The following PCDHGA11 variants were observed in gnomAD, a reference collection of about 807,000 sequenced individuals.
PCDHGA11 encodes protocadherin gamma-A11.
A neutral mutation model predicts 60.4 loss-of-function variants in PCDHGA11; 39 were observed. The ratio of observed to expected loss-of-function variants is 0.65; its 90% CI spans 0.50 to 0.84. The LOEUF (loss-of-function observed/expected upper bound fraction) is 0.84. Among genes scored for constraint, PCDHGA11 ranks in the 40% least tolerant of loss-of-function variants. PCDHGA11 has a pLI of 0.00. For missense variants in PCDHGA11, 1,165 were observed against 1,197.7 expected (o/e 0.97, Z 0.40); for synonymous variants, 533 against 510.3 (o/e 1.04, Z -0.60).
At chr5:141,492,447 T>G (rs920078908) in intron 1 of PCDHGA11, among the ~76,000 whole-genome samples, 13 of 152,300 alleles carry the variant, frequency 8.5e-5, no homozygotes, top group Middle Eastern at 3.4e-3. Context: ...CGTAGCTGAT[T>G]GTGCGCGCCT....
intron 1 of PCDHGA11, 89 bp downstream of exon 1, chr5:141,423,749 TTGGGGGGGGGG>T: frequency 3.7e-6 from 1 of 272,202 alleles, no homozygotes; most frequent in Non-Finnish European, 4.7e-6. Context: ...TGAAAACTGT[TTGGGGGGGGGG>T]TGGGGCGGCA....
intron 1 of PCDHGA11, 24 bp downstream of exon 1, chr5:141,423,684 T>TA (rs1412198122): frequency 1.3e-6 from 2 of 1,524,644 alleles, no homozygotes; most frequent in Non-Finnish European, 1.8e-6. Context: ...CTCTGCCTCC[T>TA]AATTGTTGGT....
At chr5:141,440,593 T>C (rs1456640262) in intron 1 of PCDHGA11, 1 of 152,202 alleles carries the variant, frequency 6.6e-6, no homozygotes, top group African/African-American at 2.4e-5. Context: ...TGGAACAAGA[T>C]TTGCAACAGA....
chr5:141,486,561 T>C lies in PCDHGA11; in HGVS notation c.2434-8246T>C. ...TTCTTTCAGAGGTCACATGAGGTGT[T>C]TGTTCCTGAGAACAATCGCCCAGGG... On this transcript the variant is annotated intron_variant, in intron 1 of 3. Transcript: ENST00000398587. This position sits in a 1 kb window ranked among gnomAD's most constrained non-coding sequence, Gnocchi z 5.0. 6.2e-7 allele frequency: 1 copy of C among 1,614,076 alleles called. No individual in the cohort carries two copies. Among genetic ancestry groups the C allele is most frequent in the Non-Finnish European group, 8.5e-7 (1 of 1,180,030 alleles).
intron 1 of PCDHGA11, chr5:141,427,949 C>T (rs2097092193): frequency 1.3e-6 from 2 of 1,586,882 alleles, no homozygotes; most frequent in South Asian, 1.1e-5. Context: ...ACCTCAATGA[C>T]AATGTGCCGC....
chr5:141,494,491 T>C (rs2099754727), intron 1 of PCDHGA11, among the ~76,000 whole-genome samples: 1 of 152,150 alleles, frequency 6.6e-6, no homozygotes, highest in Admixed American at 6.5e-5. Context: ...AGAAGATGCC[T>C]TCAGTCCTTG....
chr5:141,426,978 G>A (rs1383521288), intron 1 of PCDHGA11: 1 of 456,770 alleles, frequency 2.2e-6, no homozygotes, highest in Non-Finnish European at 4.4e-6. Flanking sequence ...TGAGGTCACT[G>A]ATGCCAACGA....
At chr5:141,505,816 C>A (rs1236221927) in intron 3 of PCDHGA11, among the ~76,000 whole-genome samples, 2 of 152,178 alleles carry the variant, frequency 1.3e-5, no homozygotes, top group African/African-American at 4.8e-5. Flanking sequence ...CTTGCTCAAT[C>A]TCTCTAAACC....
At position 141,491,583 on chromosome 5, in the gene PCDHGA11, C is replaced by T; in HGVS notation, c.2434-3224C>T. On this transcript the variant is annotated intron_variant, in intron 1 of 3. Transcript: ENST00000398587. The surrounding 1 kb of genome is among the most constrained non-coding windows in gnomAD (Gnocchi z 6.9). ...GCTACAGGACGTGCTTTTCACCGGC[C>T]TCGGACGGCAGTGACTTCACTTTTC... 1 of 1,613,964 alleles carries T rather than the reference C, an allele frequency of 6.2e-7. No individual in the cohort carries two copies. Among genetic ancestry groups the T allele is most frequent in the African/African-American group, 1.3e-5 (1 of 75,032 alleles).
At chr5:141,435,446 G>C (rs889481920) in intron 1 of PCDHGA11, among the ~76,000 whole-genome samples, 5 of 152,060 alleles carry the variant, frequency 3.3e-5, no homozygotes, top group African/African-American at 2.4e-5. Context: ...TCATTAATAC[G>C]ATATCTGTAT....
At position 141,477,938 on chromosome 5, in the gene PCDHGA11, T is replaced by C. The variant is rs1441443411; in HGVS notation, c.2434-16869T>C. The stretch of plus-strand genomic sequence containing the variant: ...TGCAGGGCACAATGCCTGGCTCTCC[T>C]ACAGTCTCTTGGGATCCCCTAACCA... On this transcript the variant is annotated intron_variant, in intron 1 of 3. Transcript: ENST00000398587. The surrounding 1 kb of genome is among the most constrained non-coding windows in gnomAD (Gnocchi z 4.9). The C allele has an allele frequency of 3.1e-6, 5 of 1,614,036 alleles. No homozygotes were observed. The highest frequency in any genetic ancestry group is 4.2e-6 in the Non-Finnish European group (5 of 1,180,030).
intron 2 of PCDHGA11, 22 bp downstream of exon 2, chr5:141,494,887 C>T (rs116522768): frequency 0.014 from 22,125 of 1,614,118 alleles, 208 homozygotes; most frequent in Middle Eastern, 0.021. Context: ...ATTCTCCAGC[C>T]CACCCTCTTC....
At position 141,477,966 on chromosome 5, in the gene PCDHGA11, G is replaced by T; in HGVS notation, c.2434-16841G>T. 1 of 1,614,118 alleles carries T rather than the reference G, an allele frequency of 6.2e-7. No individual in the cohort carries two copies. The highest frequency in any genetic ancestry group is 8.5e-7 in the Non-Finnish European group (1 of 1,180,036). On this transcript the variant is annotated intron_variant, in intron 1 of 3. Coordinates refer to ENST00000398587, the MANE Select transcript of PCDHGA11 (RefSeq NM_018914.3). This position sits in a 1 kb window ranked among gnomAD's most constrained non-coding sequence, Gnocchi z 4.9. ...AGTCTCTTGGGATCCCCTAACCAGA[G>T]CCTTTTTGCCATAGGGCTGCACACT...
chr5:141,439,390 C>T (rs528547728), intron 1 of PCDHGA11, among the ~76,000 whole-genome samples: 1 of 152,266 alleles, frequency 6.6e-6, no homozygotes, highest in South Asian at 2.1e-4. Flanking sequence ...GTCATCACTT[C>T]GACTTCATGT....
At chr5:141,474,893 T>C (rs1406276730) in intron 1 of PCDHGA11, among the ~76,000 whole-genome samples, 1 of 152,256 alleles carries the variant, frequency 6.6e-6, no homozygotes, top group East Asian at 1.9e-4. Flanking sequence ...TAGAGGTTCA[T>C]TTCTTGTTCA....
chr5:141,423,782 C>A (rs1458189260), intron 1 of PCDHGA11, 122 bp downstream of exon 1: 2 of 1,243,328 alleles, frequency 1.6e-6, no homozygotes, highest in Non-Finnish European at 1.0e-6. Context: ...ATATTTAGTT[C>A]ATATATATTT....
At chr5:141,499,726 ACT>A (rs1368224475) in intron 2 of PCDHGA11, among the ~76,000 whole-genome samples, 1 of 128,608 alleles carries the variant, frequency 7.8e-6, no homozygotes, top group African/African-American at 3.0e-5. Flanking sequence ...ACAGAGTCTC[ACT>A]CTCTTGCCCA....
intron 1 of PCDHGA11, chr5:141,492,069 C>A (rs1595083522): frequency 2.1e-6 from 1 of 475,880 alleles, no homozygotes; most frequent in East Asian, 3.3e-5. Context: ...GCCTCCTAGG[C>A]GCCGGCTCCG....
At chr5:141,507,009 C>T (rs988626142) in intron 3 of PCDHGA11, 1 of 152,154 alleles carries the variant, frequency 6.6e-6, no homozygotes, top group South Asian at 2.1e-4. Context: ...ATGAGAGAAC[C>T]GAGAAGGCAC....
Sources: allele counts gnomAD v4.1 joint callset (sites outside exome capture counted in the v4.1 genomes callset), GRCh38; gene constraint gnomAD v4.1.1; non-coding constraint Gnocchi (gnomAD v3.1); transcripts MANE v1.5; gene names NCBI Gene and HGNC (gene_info 2026-07-23, HGNC 2026-07-21).